Variants in SNED1 observed in about 807,000 individuals in gnomAD.
The protein encoded by SNED1 is sushi, nidogen and EGF like domains 1, also known as sushi, nidogen and EGF-like domain-containing protein 1.
In SNED1, 81 loss-of-function variants were observed where a neutral mutation model predicts 166.7. The ratio of observed to expected loss-of-function variants is 0.49; its 90% CI spans 0.41 to 0.58. The LOEUF (loss-of-function observed/expected upper bound fraction) is 0.58, where lower values mean the gene tolerates loss of function less well. Ranked by LOEUF, SNED1 falls within the 20% of genes least tolerant of loss-of-function variation. SNED1 has a pLI of 0.00. For missense variants in SNED1, 1,604 were observed against 2,000.2 expected (o/e 0.80, Z 3.78); for synonymous variants, 762 against 822.0 (o/e 0.93, Z 1.25).
chr2:241,014,978 C>G (rs2060535322), intron 1 of SNED1, among the ~76,000 whole-genome samples: 1 of 152,248 alleles, frequency 6.6e-6, no homozygotes, highest in African/African-American at 2.4e-5. Flanking sequence ...TCCTGCTTCT[C>G]TGTCCCTGAG....
chr2:241,088,137 G>T, intron 30 of SNED1: 1 of 537,886 alleles, frequency 1.9e-6, no homozygotes, highest in South Asian at 2.5e-5. Context: ...CTCACAGCCA[G>T]CCAGGTTTCT....
At chr2:241,089,842 G>A in intron 31 of SNED1, 1 of 1,381,128 alleles carries the variant, frequency 7.2e-7, no homozygotes, top group Non-Finnish European at 9.6e-7. Flanking sequence ...CTGTGTGGCA[G>A]AGCCCATGCT....
Position 241,037,034 on chromosome 2 carries a change from A to G in SNED1, c.931+119A>G, listed in dbSNP as rs545019607. On this transcript the variant is annotated intron_variant, in intron 5 of 31. Coordinates refer to ENST00000310397, the MANE Select transcript of SNED1 (RefSeq NM_001080437.3). ...TCCCAGGTCAGGAGTCTCTGTCCCC[A>G]GGGTGTGGGTGACTTGCTTAGGGGA... 1.5e-5 allele frequency: 20 copies of G among 1,313,030 alleles called. No homozygotes were observed. In the Admixed American group the frequency reaches 2.9e-4, roughly 19 times the overall value. 81.3% of individuals were successfully genotyped at this position (1,313,030 alleles called of 1,614,324 possible).
chr2:241,011,522 A>G (rs2060402657), intron 1 of SNED1, among the ~76,000 whole-genome samples: 2 of 152,354 alleles, frequency 1.3e-5, no homozygotes, highest in South Asian at 4.1e-4. Context: ...ACGAGTGCTC[A>G]GGTCCACACC....
intron 8 of SNED1, among the ~76,000 whole-genome samples, 173 bp from the exon 9 acceptor site, chr2:241,048,142 C>T (rs2061714585): frequency 6.6e-6 from 1 of 152,260 alleles, no homozygotes. Flanking sequence ...ATGCTGAGCT[C>T]CATGGGGTGC....
chr2:241,058,129 C>T (rs1156326900), intron 16 of SNED1, among the ~76,000 whole-genome samples: 1 of 152,090 alleles, frequency 6.6e-6, no homozygotes, highest in South Asian at 2.1e-4. Context: ...CAAATCAAAG[C>T]TGGCGTATTA....
intron 1 of SNED1, among the ~76,000 whole-genome samples, chr2:241,024,235 C>A (rs1020854491): frequency 4.3e-5 from 2 of 46,906 alleles, no homozygotes; most frequent in African/African-American, 1.7e-4. Context: ...ACTCTACTAC[C>A]TTTTTTTTTT....
At chr2:241,029,897 C>T (rs951151769) in intron 1 of SNED1, among the ~76,000 whole-genome samples, 9 of 152,264 alleles carry the variant, frequency 5.9e-5, no homozygotes, top group African/African-American at 1.7e-4. Context: ...GGCTCCGCCT[C>T]GCCTCCTGCG....
chr2:241,065,598 G>T lies in SNED1; in HGVS notation c.3010+3G>T. ...TGCCGTGCTGCTGGCCCGCACGCGT[G>T]AGTGTCCCCGAGCCTGGCCGTCCCT... is the stretch of plus-strand genomic sequence containing the variant. On this transcript the variant is annotated splice_donor_region_variant and intron_variant, in intron 21 of 31. Transcript: ENST00000310397. The T allele has an allele frequency of 6.2e-7, 1 of 1,609,870 alleles. No homozygotes were observed. Among genetic ancestry groups the T allele is most frequent in the Non-Finnish European group, 8.5e-7 (1 of 1,179,004 alleles).
At chr2:241,050,044 G>C (rs748711551) in intron 12 of SNED1, 111 bp downstream of exon 12, 3 of 793,390 alleles carry the variant, frequency 3.8e-6, no homozygotes, top group Middle Eastern at 2.2e-4. Flanking sequence ...TGCTGACCTC[G>C]TCTAGAGCCT....
intron 21 of SNED1, among the ~76,000 whole-genome samples, chr2:241,065,951 G>A (rs1008603462): frequency 6.6e-6 from 1 of 150,874 alleles, no homozygotes; most frequent in Non-Finnish European, 1.5e-5. Context: ...GCGGGGGTGG[G>A]CTTGGGGGGG....
rs954686929 is a variant in SNED1 at position 241,053,338 on chromosome 2, G to C, written c.2257+12G>C. On this transcript the variant is annotated intron_variant, in intron 16 of 31. Transcript: ENST00000310397. ...TCCCCAGTGCCTTGGTGATTCTGTGGGCCCTTGGGGTGGGGCAGGTGGGGC... is the reference window on the plus strand; with the variant it reads ...TCCCCAGTGCCTTGGTGATTCTGTGCGCCCTTGGGGTGGGGCAGGTGGGGC... 11 of 1,553,420 alleles carry C rather than the reference G, an allele frequency of 7.1e-6. No individual in the cohort carries two copies. Among genetic ancestry groups the C allele is most frequent in the Non-Finnish European group, 9.6e-6 (11 of 1,147,338 alleles).
rs757911511 is a variant in SNED1, at chr2:241,036,791, G to C, written c.807G>C (p.Thr269=). ...QVRVGGCGHT[T]SVCLALRPCL... The stretch of plus-strand genomic sequence containing the variant: ...TCCAGCCCCTCCCTATGTCTGCAGC[G>C]TCCGTGTGCCTGGCCCTGCGCCCCT... Residue 269 remains threonine, a splice_region_variant and synonymous_variant, in exon 5 of 32, where the codon ACG becomes ACC. Transcript: ENST00000310397. The C allele has an allele frequency of 6.2e-7, 1 of 1,607,794 alleles. No individual in the cohort carries two copies. Among genetic ancestry groups the C allele is most frequent in the Non-Finnish European group, 8.5e-7 (1 of 1,179,602 alleles).
rs769090103 is a variant in SNED1, at chr2:241,075,157, T to G, written c.3916+1793T>G. The G allele has an allele frequency of 6.6e-6, 1 of 152,180 alleles. No homozygotes were observed. Among genetic ancestry groups the G allele is most frequent in the Non-Finnish European group, 1.5e-5 (1 of 68,056 alleles). The allele number at this position is 152,180 out of a possible 1,614,324, so 9.4% of individuals were successfully genotyped here. Reference sequence around the variant, plus strand: ...CTGACCGGCTCTTCTCCCCTCTCTGTGCAGAGAACATGTAGGTTGTGTTTG... The same window carrying G: ...CTGACCGGCTCTTCTCCCCTCTCTGGGCAGAGAACATGTAGGTTGTGTTTG... On this transcript the variant is annotated intron_variant, in intron 27 of 31. Coordinates refer to ENST00000310397, the MANE Select transcript of SNED1 (RefSeq NM_001080437.3). The surrounding 1 kb of genome is among the most constrained non-coding windows in gnomAD (Gnocchi z 4.8).
At chr2:241,077,121 C>T (rs1446601618) in intron 27 of SNED1, among the ~76,000 whole-genome samples, 1 of 151,686 alleles carries the variant, frequency 6.6e-6, no homozygotes, top group Non-Finnish European at 1.5e-5. Flanking sequence ...ATAAACCACA[C>T]GTCAATGGCC....
chr2:241,012,177 G>A (rs1397755417), intron 1 of SNED1, among the ~76,000 whole-genome samples: 1 of 152,190 alleles, frequency 6.6e-6, no homozygotes, highest in Non-Finnish European at 1.5e-5. Context: ...CCCCACACCA[G>A]GCAGGTGGCC....
chr2:241,088,071 CTTCCCTAGG>C lies in SNED1; in HGVS notation c.4206-293_4206-285del, dbSNP rs938650824. On this transcript the variant is annotated intron_variant, in intron 30 of 31. Transcript: ENST00000310397. ...GCTCGGCCTGTGCACGTCACCGGCT[CTTCCCTAGG>C]GTAGCTTTTGCTTGCTTTCTCCCAC... 1.5e-3 allele frequency: 705 copies of C among 467,408 alleles called. 4 individuals are homozygous for C. Among genetic ancestry groups the C allele is most frequent in the South Asian group, 3.4e-3 (106 of 31,256 alleles). The allele number at this position is 467,408 out of a possible 1,614,324, so 29.0% of individuals were successfully genotyped here.
intron 1 of SNED1, among the ~76,000 whole-genome samples, chr2:241,003,225 G>A (rs770405978): frequency 1.3e-5 from 2 of 151,438 alleles, no homozygotes; most frequent in Admixed American, 6.6e-5. Context: ...TTCTTGTTTG[G>A]GAGGTGTTGG....
At chr2:241,053,354 C>T in intron 16 of SNED1, 28 bp downstream of exon 16, 1 of 1,537,548 alleles carries the variant, frequency 6.5e-7, no homozygotes, top group Non-Finnish European at 8.8e-7. Context: ...TGGGGTGGGG[C>T]AGGTGGGGCC....
Sources: allele counts gnomAD v4.1 joint callset (sites outside exome capture counted in the v4.1 genomes callset), GRCh38; gene constraint gnomAD v4.1.1; non-coding constraint Gnocchi (gnomAD v3.1); transcripts MANE v1.5; gene names NCBI Gene and HGNC (gene_info 2026-07-23, HGNC 2026-07-21).